The following DENND1A variants were observed in gnomAD, a reference collection of about 807,000 sequenced individuals.
The protein encoded by DENND1A is DENN domain-containing protein 1A.
A neutral mutation model predicts 113.7 loss-of-function variants in DENND1A; 51 were observed. The observed-to-expected ratio is 0.45, with a 90% CI of 0.36 to 0.57. DENND1A has a LOEUF of 0.57. DENND1A is among the 20% of genes least tolerant of loss of function. DENND1A has a pLI of 0.00. For missense variants in DENND1A, 1,258 were observed against 1,395.9 expected, an observed-to-expected ratio of 0.90 and a Z score of 1.57; for synonymous variants, 565 against 570.8, an observed-to-expected ratio of 0.99 and a Z score of 0.14.
chr9:123,638,897 T>C (rs2061859323), intron 9 of DENND1A, among the ~76,000 whole-genome samples: 2 of 151,906 alleles, frequency 1.3e-5, no homozygotes, highest in Admixed American at 6.6e-5. Flanking sequence ...AATGGATCTA[T>C]ACTATTGCTT....
At chr9:123,924,814 A>T (rs372442292) in intron 1 of DENND1A, among the ~76,000 whole-genome samples, 1 of 152,278 alleles carries the variant, frequency 6.6e-6, no homozygotes, top group South Asian at 2.1e-4. Context: ...CCTCTCTGCC[A>T]TCAGTCACTA....
At chr9:123,797,250 C>G (rs574744378) in intron 2 of DENND1A, among the ~76,000 whole-genome samples, 1 of 152,102 alleles carries the variant, frequency 6.6e-6, no homozygotes, top group Non-Finnish European at 1.5e-5. Flanking sequence ...TACTATCTTC[C>G]TCTCCCCACA....
chr9:123,608,469 C>T (rs1164746267), intron 11 of DENND1A, among the ~76,000 whole-genome samples: 1 of 152,088 alleles, frequency 6.6e-6, no homozygotes, highest in Admixed American at 6.5e-5. Flanking sequence ...CAGGCAAGCA[C>T]CCTCCCCACG....
chr9:123,874,148 T>C (rs974008114), intron 2 of DENND1A, among the ~76,000 whole-genome samples: 1 of 144,442 alleles, frequency 6.9e-6, no homozygotes, highest in Non-Finnish European at 1.5e-5. Flanking sequence ...AGGAGTTTGA[T>C]ATCAGCCTGG....
At chr9:123,425,216 T>C (rs2131917228) in intron 19 of DENND1A, among the ~76,000 whole-genome samples, 1 of 152,338 alleles carries the variant, frequency 6.6e-6, no homozygotes, top group Admixed American at 6.5e-5. Context: ...TCTGAGAAAA[T>C]GTCTCCTCTG....
intron 13 of DENND1A, among the ~76,000 whole-genome samples, chr9:123,527,758 A>G (rs750729008): frequency 3.3e-5 from 5 of 152,230 alleles, no homozygotes; most frequent in Non-Finnish European, 7.3e-5. Context: ...ATACTAACAC[A>G]CAAGAGGAGC....
intron 12 of DENND1A, among the ~76,000 whole-genome samples, chr9:123,562,260 G>T (rs1193609362): frequency 2.0e-5 from 3 of 152,100 alleles, no homozygotes; most frequent in African/African-American, 7.2e-5. Context: ...CAGAAGCACA[G>T]GCTACTCTTC....
chr9:123,558,815 C>T lies in DENND1A; in HGVS notation c.868-1120G>A, dbSNP rs113503285. 6.0e-3 allele frequency among the ~76,000 whole-genome samples: 911 copies of T among 152,292 alleles called. 8 individuals carry two copies. Among genetic ancestry groups the T allele is most frequent in the African/African-American group, 0.02 (816 of 41,556 alleles). Reference sequence around the variant, plus strand: ...TGCGTTCCCCATAAGAGGAATTGTGCGACGTGGTGACCTCGAGTTATCCAT... The same window carrying T: ...TGCGTTCCCCATAAGAGGAATTGTGTGACGTGGTGACCTCGAGTTATCCAT... On this transcript the variant is annotated intron_variant, in intron 12 of 23. Transcript: ENST00000394215.
At chr9:123,613,190 T>C (rs2060495069) in intron 10 of DENND1A, among the ~76,000 whole-genome samples, 1 of 152,208 alleles carries the variant, frequency 6.6e-6, no homozygotes, top group South Asian at 2.1e-4. Context: ...GAGGGTGCCT[T>C]TCCTTTCTAA....
chr9:123,801,160 A>G (rs1834590548), intron 2 of DENND1A, among the ~76,000 whole-genome samples: 1 of 152,216 alleles, frequency 6.6e-6, no homozygotes, highest in Non-Finnish European at 1.5e-5. Flanking sequence ...TTGTTGTAGT[A>G]AAATATACAT....
chr9:123,856,033 G>A (rs183137256), intron 2 of DENND1A, among the ~76,000 whole-genome samples: 140 of 152,110 alleles, frequency 9.2e-4, no homozygotes, highest in African/African-American at 1.8e-3. Context: ...GCAAAACTCC[G>A]TCTCAAAAAT....
intron 21 of DENND1A, among the ~76,000 whole-genome samples, chr9:123,402,814 T>G (rs1344436145): frequency 6.6e-6 from 1 of 152,190 alleles, no homozygotes; most frequent in Non-Finnish European, 1.5e-5. Context: ...CCCCCCTCAT[T>G]CACTTCATCT....
intron 21 of DENND1A, among the ~76,000 whole-genome samples, chr9:123,391,528 T>C (rs1033414670): frequency 1.2e-4 from 19 of 152,128 alleles, no homozygotes; most frequent in African/African-American, 4.3e-4. Flanking sequence ...TTGCCAACTT[T>C]CAACCACTAC....
chr9:123,826,783 G>C (rs886880441), intron 2 of DENND1A, among the ~76,000 whole-genome samples: 1 of 152,100 alleles, frequency 6.6e-6, no homozygotes, highest in African/African-American at 2.4e-5. Flanking sequence ...CAGGTGTGAG[G>C]ATTAAGCACC....
intron 2 of DENND1A, among the ~76,000 whole-genome samples, chr9:123,806,842 T>A (rs1215282159): frequency 6.6e-6 from 1 of 152,210 alleles, no homozygotes; most frequent in Non-Finnish European, 1.5e-5. Flanking sequence ...AGTAATACCC[T>A]TTCTTCTCAA....
At chr9:123,437,012 G>A (rs1209478905) in intron 19 of DENND1A, among the ~76,000 whole-genome samples, 1 of 152,168 alleles carries the variant, frequency 6.6e-6, no homozygotes, top group Non-Finnish European at 1.5e-5. Context: ...ACTATGAGGT[G>A]GACTATGACT....
chr9:123,549,396 G>C (rs1442999656), intron 13 of DENND1A, among the ~76,000 whole-genome samples: 1 of 152,164 alleles, frequency 6.6e-6, no homozygotes, highest in African/African-American at 2.4e-5. Flanking sequence ...CTGCTTGTCT[G>C]TGTGGAGGGC....
chr9:123,382,031 A>G lies in DENND1A; in HGVS notation c.2614T>C (p.Phe872Leu). ...RPATPNVATP[F>L]TPQFSFPPAG... ...GGGGGGAAGCTGAATTGGGGGGTGA[A>G]TGGGGTGGCTACATTCGGGGTGGCG... is the stretch of plus-strand genomic sequence containing the variant. The change falls in exon 24 of 24, where the codon TTC becomes CTC. Residue 872 changes from phenylalanine (F) to leucine (L), a missense_variant. Around this residue, in one of 2 missense-constraint regions of DENND1A, gnomAD observed 1,159 missense variants for 1,231.7 expected, o/e 0.94. Transcript: ENST00000394215. 6 of 1,234,032 alleles carry G rather than the reference A, an allele frequency of 4.9e-6. No homozygotes were observed. Among genetic ancestry groups the G allele is most frequent in the Non-Finnish European group, 6.2e-6 (6 of 969,470 alleles). 76.4% of individuals were successfully genotyped at this position (1,234,032 alleles called of 1,614,324 possible). A position where few individuals can be genotyped will look rare whatever the true frequency, so the allele number is the denominator to read the frequency against.
chr9:123,598,744 G>C (rs917156805), intron 11 of DENND1A, among the ~76,000 whole-genome samples: 5 of 151,968 alleles, frequency 3.3e-5, no homozygotes, highest in African/African-American at 1.2e-4. Context: ...GTGTGCATAT[G>C]TACTTATCAA....
Sources: allele counts gnomAD v4.1 joint callset (sites outside exome capture counted in the v4.1 genomes callset), GRCh38; gene constraint gnomAD v4.1.1; regional missense constraint gnomAD v4.1.1; transcripts MANE v1.5; gene names NCBI Gene and HGNC (gene_info 2026-07-23, HGNC 2026-07-21).